ITPK1: variants seen among roughly 807,000 people sequenced by gnomAD.
ITPK1 encodes inositol-tetrakisphosphate 1-kinase.
A neutral mutation model predicts 45.3 loss-of-function variants in ITPK1; 21 were observed. The ratio of observed to expected loss-of-function variants is 0.46; its 90% CI spans 0.33 to 0.67. ITPK1 has a LOEUF of 0.67. Ranked by LOEUF, ITPK1 falls within the 30% of genes least tolerant of loss-of-function variation. The pLI is 0.02. For missense variants in ITPK1, 474 were observed against 573.5 expected (o/e 0.83, Z 1.77); for synonymous variants, 258 against 253.6 (o/e 1.02, Z -0.16).
chr14:93,044,296 A>G (rs1889687040), intron 3 of ITPK1, among the ~76,000 whole-genome samples: 1 of 152,236 alleles, frequency 6.6e-6, no homozygotes, highest in Non-Finnish European at 1.5e-5. Flanking sequence ...AACAGATTGC[A>G]TGCAGGCCCA....
chr14:93,065,952 GCCTAA>G lies in ITPK1; in HGVS notation c.120+10638_120+10642del, dbSNP rs1309995903. ...GTGGCAAAACTAGGGACACAGAAAA[GCCTAA>G]CCTGAATGCACATCATATAGAAAAA... is the stretch of plus-strand genomic sequence containing the variant. On this transcript the variant is annotated intron_variant, in intron 3 of 10. Transcript: ENST00000267615. Among the ~76,000 whole-genome samples, 3 of 152,150 alleles carry G rather than the reference GCCTAA, an allele frequency of 2.0e-5. 1 individual carries two copies. In the East Asian group the frequency reaches 5.8e-4, roughly 29 times the overall value.
At chr14:93,039,855 G>T (rs1413146451) in intron 3 of ITPK1, among the ~76,000 whole-genome samples, 2 of 152,232 alleles carry the variant, frequency 1.3e-5, no homozygotes, top group Non-Finnish European at 2.9e-5. Flanking sequence ...GGGTGGTTGG[G>T]AGGGGACAAA....
chr14:92,991,917 G>A (rs1308259796), intron 5 of ITPK1, among the ~76,000 whole-genome samples: 2 of 152,158 alleles, frequency 1.3e-5, no homozygotes, highest in African/African-American at 2.4e-5. Context: ...CATGCTAAGT[G>A]CTCTGCAGAC....
At chr14:92,997,769 T>A (rs1048670956) in intron 4 of ITPK1, among the ~76,000 whole-genome samples, 10 of 152,324 alleles carry the variant, frequency 6.6e-5, no homozygotes, top group African/African-American at 2.4e-4. Context: ...AAGGGCAGCC[T>A]GGCTCTAGGC....
chr14:92,995,360 A>T (rs1011849339), intron 4 of ITPK1, among the ~76,000 whole-genome samples: 1 of 152,178 alleles, frequency 6.6e-6, no homozygotes, highest in South Asian at 2.1e-4. Flanking sequence ...AGTGAGCCTT[A>T]TGGACAGAGA....
At chr14:93,086,206 G>C (rs537537394) in intron 2 of ITPK1, among the ~76,000 whole-genome samples, 48 of 152,298 alleles carry the variant, frequency 3.2e-4, no homozygotes, top group African/African-American at 1.0e-3. Context: ...AATTGTTCTA[G>C]CACCTATCCT....
At chr14:93,053,113 A>C (rs1268018028) in intron 3 of ITPK1, among the ~76,000 whole-genome samples, 1 of 152,218 alleles carries the variant, frequency 6.6e-6, no homozygotes, top group Non-Finnish European at 1.5e-5. Context: ...TGTACCCTAA[A>C]ACTTAAAGTA....
chr14:93,102,681 G>A (rs1892367499), intron 2 of ITPK1, among the ~76,000 whole-genome samples: 1 of 152,142 alleles, frequency 6.6e-6, no homozygotes, highest in African/African-American at 2.4e-5. Context: ...GGCTGGCTAG[G>A]CACAGTGGCT....
At chr14:92,961,055 A>G (rs1885046045) in intron 7 of ITPK1, among the ~76,000 whole-genome samples, 1 of 152,266 alleles carries the variant, frequency 6.6e-6, no homozygotes, top group South Asian at 2.1e-4. Flanking sequence ...AGAGCAGTAC[A>G]TAACCCAGGA....
intron 3 of ITPK1, chr14:93,067,517 T>C (rs921198654): frequency 1.3e-5 from 2 of 152,066 alleles, no homozygotes; most frequent in African/African-American, 4.8e-5. Flanking sequence ...CTTCGGAAGC[T>C]GCACAAGACT....
chr14:93,010,260 G>A (rs930143650), intron 4 of ITPK1, among the ~76,000 whole-genome samples: 5 of 152,292 alleles, frequency 3.3e-5, no homozygotes, highest in South Asian at 2.1e-4. Context: ...AGTCGGACTC[G>A]AACACCTAGA....
At chr14:93,088,607 TG>T (rs1341658394) in intron 2 of ITPK1, among the ~76,000 whole-genome samples, 1 of 152,052 alleles carries the variant, frequency 6.6e-6, no homozygotes, top group Non-Finnish European at 1.5e-5. Context: ...CTGCCTGCCT[TG>T]GCCCCCCAAA....
intron 3 of ITPK1, among the ~76,000 whole-genome samples, chr14:93,046,598 G>A (rs965173657): frequency 6.7e-6 from 1 of 149,942 alleles, no homozygotes; most frequent in Non-Finnish European, 1.5e-5. Context: ...CGGGGGCGGG[G>A]GGGGGCGGCG....
At chr14:92,948,345 G>A (rs554959664) in intron 9 of ITPK1, among the ~76,000 whole-genome samples, 1 of 152,286 alleles carries the variant, frequency 6.6e-6, no homozygotes, top group East Asian at 1.9e-4. Flanking sequence ...TTATGTATGT[G>A]AATTTACCTC....
chr14:93,041,192 C>G (rs1173401936), intron 3 of ITPK1, among the ~76,000 whole-genome samples: 2 of 152,196 alleles, frequency 1.3e-5, no homozygotes, highest in Non-Finnish European at 2.9e-5. Flanking sequence ...ATTTACATTT[C>G]AAAGAGGCTA....
chr14:92,952,116 G>GT (rs1451834039), intron 8 of ITPK1, 103 bp from the exon 9 acceptor site: 1 of 917,726 alleles, frequency 1.1e-6, no homozygotes, highest in Admixed American at 2.0e-5. Flanking sequence ...CACACAACAC[G>GT]TGGCCCCCGG....
In ITPK1 at chr14:92,946,315, C is replaced by T. The variant is rs368419684; in HGVS notation, c.901+16G>A. Reference sequence around the variant, plus strand: ...TCTGGAGGCCGGTCAGTGGAGGTGGCCTGGCCGCCACTCACCTGGGAAGGC... The same window carrying T: ...TCTGGAGGCCGGTCAGTGGAGGTGGTCTGGCCGCCACTCACCTGGGAAGGC... On this transcript the variant is annotated intron_variant, in intron 10 of 10. Coordinates refer to ENST00000267615, the MANE Select transcript of ITPK1 (RefSeq NM_014216.6). The T allele has an allele frequency of 3.7e-5, 60 of 1,612,090 alleles. No individual in the cohort carries two copies. The highest frequency in any genetic ancestry group is 4.7e-5 in the Non-Finnish European group (56 of 1,179,884).
At chr14:93,070,363 G>A (rs1172599260) in intron 3 of ITPK1, 1 of 152,336 alleles carries the variant, frequency 6.6e-6, no homozygotes, top group Non-Finnish European at 1.5e-5. Context: ...GATTGGATCG[G>A]AGTGGAAGGT....
intron 5 of ITPK1, among the ~76,000 whole-genome samples, chr14:92,963,921 G>T (rs562010683): frequency 5.1e-4 from 78 of 152,264 alleles, no homozygotes; most frequent in Non-Finnish European, 9.8e-4. Context: ...GGCGGGGGCG[G>T]TCTGCCACCC....
Sources: allele counts gnomAD v4.1 joint callset (sites outside exome capture counted in the v4.1 genomes callset), GRCh38; gene constraint gnomAD v4.1.1; transcripts MANE v1.5; gene names NCBI Gene and HGNC (gene_info 2026-07-23, HGNC 2026-07-21).